SHISAL1: variants seen among roughly 807,000 people sequenced by gnomAD.
SHISAL1 encodes protein shisa-like-1.
Under a neutral mutation model 22.6 loss-of-function variants are expected in SHISAL1, and 9 were observed. The ratio of observed to expected loss-of-function variants is 0.40; its 90% confidence interval spans 0.24 to 0.70. The LOEUF (loss-of-function observed/expected upper bound fraction) is 0.70. Among genes scored for constraint, SHISAL1 ranks in the 30% least tolerant of loss-of-function variants. The pLI is 0.39. For synonymous variants in SHISAL1, 119 were observed against 115.4 expected (o/e 1.03, Z -0.20); for missense variants, 246 against 270.6 (o/e 0.91, Z 0.64).
intron 3 of SHISAL1, among the ~76,000 whole-genome samples, chr22:44,289,370 G>A (rs996656710): frequency 1.3e-5 from 2 of 152,212 alleles, no homozygotes; most frequent in African/African-American, 4.8e-5. Flanking sequence ...CCTGCGTGGT[G>A]TGCCTGCTTG....
chr22:44,268,260 G>A (rs1041002521), intron 4 of SHISAL1, among the ~76,000 whole-genome samples: 4 of 152,204 alleles, frequency 2.6e-5, no homozygotes, highest in African/African-American at 7.2e-5. Context: ...CCTTTTCATC[G>A]ACAGCCTCTG....
At chr22:44,262,712 C>A (rs191111174) in intron 4 of SHISAL1, among the ~76,000 whole-genome samples, 1 of 152,346 alleles carries the variant, frequency 6.6e-6, no homozygotes, top group African/African-American at 2.4e-5. Context: ...AGCAGGCTGC[C>A]CTGCTGGCCC....
intron 4 of SHISAL1, among the ~76,000 whole-genome samples, chr22:44,274,356 G>T (rs2055225191): frequency 6.6e-6 from 1 of 152,140 alleles, no homozygotes. Flanking sequence ...TGGGAATGAG[G>T]CTGGCGCTGG....
Position 44,275,697 on chromosome 22 carries a change from C to T in SHISAL1, c.599+9731G>A, listed in dbSNP as rs146745927. Among the ~76,000 whole-genome samples, 556 of 152,322 alleles carry T rather than the reference C, an allele frequency of 3.7e-3. 3 individuals carry two copies. Among genetic ancestry groups the T allele is most frequent in the African/African-American group, 0.013 (524 of 41,562 alleles). ...CCAGACCTGGGTTCCAATTCTGACCCAGCTGCCGTGCAGTTCCCAGCAATC... is the reference window on the plus strand; with the variant it reads ...CCAGACCTGGGTTCCAATTCTGACCTAGCTGCCGTGCAGTTCCCAGCAATC... On this transcript the variant is annotated intron_variant, in intron 4 of 4. Transcript: ENST00000381176.
chr22:44,290,202 C>T (rs1374213347), intron 3 of SHISAL1, among the ~76,000 whole-genome samples: 1 of 152,190 alleles, frequency 6.6e-6, no homozygotes, highest in Non-Finnish European at 1.5e-5. Flanking sequence ...TGGAAGATGG[C>T]CGATGGCCCC....
At chr22:44,267,588 G>A (rs1267874545) in intron 4 of SHISAL1, among the ~76,000 whole-genome samples, 12 of 151,956 alleles carry the variant, frequency 7.9e-5, no homozygotes, top group Admixed American at 6.6e-5. Flanking sequence ...CACTCTCCTC[G>A]AGGGCACCCC....
intron 4 of SHISAL1, among the ~76,000 whole-genome samples, chr22:44,258,362 G>A (rs1260596224): frequency 6.6e-6 from 1 of 152,152 alleles, no homozygotes; most frequent in Non-Finnish European, 1.5e-5. Context: ...GCAGGTTTGT[G>A]ACACAGCTAA....
chr22:44,279,358 C>T (rs2055261158), intron 4 of SHISAL1, among the ~76,000 whole-genome samples: 1 of 152,154 alleles, frequency 6.6e-6, no homozygotes, highest in East Asian at 1.9e-4. Flanking sequence ...ACAGAAGCCT[C>T]CTTGGTATTT....
In SHISAL1 at chr22:44,296,836, G is replaced by A. The variant is rs752355803; in HGVS notation, c.117C>T (p.Gly39=). 2 of 1,613,410 alleles carry A rather than the reference G, an allele frequency of 1.2e-6. No homozygotes were observed. The highest frequency in any genetic ancestry group is 8.5e-7 in the Non-Finnish European group (1 of 1,180,028). Residue 39 remains glycine (G), a synonymous_variant, in exon 3 of 5, where the codon GGC becomes GGT. Coordinates refer to ENST00000381176, the MANE Select transcript of SHISAL1 (RefSeq NM_001099294.2). Reference sequence around the variant, plus strand: ...GGCAGTGGAAGCCAAAGTGGTAGCGGCCTTTGTGGTCTGTGTATGGTTCAC... The same window carrying A: ...GGCAGTGGAAGCCAAAGTGGTAGCGACCTTTGTGGTCTGTGTATGGTTCAC... ...RVCEPYTDHK[G]RYHFGFHCPR...
chr22:44,287,773 C>T (rs182216852), intron 3 of SHISAL1, among the ~76,000 whole-genome samples: 25 of 152,230 alleles, frequency 1.6e-4, no homozygotes, highest in Non-Finnish European at 3.2e-4. Context: ...CAGGTGTCCC[C>T]GGGGTAGATG....
the SHISAL1 span, among the ~76,000 whole-genome samples, chr22:44,317,957 C>T: frequency 3.9e-5 from 6 of 152,254 alleles, no homozygotes; most frequent in South Asian, 6.2e-4. Flanking sequence ...CTGACCTTCC[C>T]GAGCTGGGCT....
chr22:44,285,952 G>A (rs135387), intron 3 of SHISAL1, among the ~76,000 whole-genome samples: 73,267 of 151,958 alleles, frequency 0.48, 18,071 homozygotes, highest in Admixed American at 0.62. Context: ...CACTGCCCGG[G>A]CCTGGTCCCC....
rs114764669 is a variant in SHISAL1, at chr22:44,249,781, T to C, written c.*-96A>G. The C allele has an allele frequency of 2.1e-4, 161 of 756,288 alleles. No homozygotes were observed. The African/African-American group carries it at 2.6e-3, about 12-fold the overall frequency. 46.8% of individuals were successfully genotyped at this position (756,288 alleles called of 1,614,324 possible). On this transcript the variant is annotated intron_variant, in intron 4 of 4. Transcript: ENST00000381176. The stretch of plus-strand genomic sequence containing the variant: ...GTGCCGGAAGAAGCCAGGTTTTCTC[T>C]GAGCATGTGGGTTTTGTCTTCTGAA...
chr22:44,292,127 C>G (rs1430799161), intron 3 of SHISAL1, among the ~76,000 whole-genome samples: 2 of 152,224 alleles, frequency 1.3e-5, no homozygotes, highest in African/African-American at 2.4e-5. Flanking sequence ...CAGAAGCGCT[C>G]TCCTTTTCCC....
intron 4 of SHISAL1, among the ~76,000 whole-genome samples, chr22:44,250,992 G>GGGTGAGAGATTC (rs1273844927): frequency 6.6e-6 from 1 of 152,212 alleles, no homozygotes; most frequent in East Asian, 1.9e-4. Context: ...CAGGGGCTAA[G>GGGTGAGAGATTC]GGTGAGAGAT....
chr22:44,256,147 CTCATAG>C (rs539886971), intron 4 of SHISAL1, among the ~76,000 whole-genome samples: 1 of 143,594 alleles, frequency 7.0e-6, no homozygotes, highest in Non-Finnish European at 1.5e-5. Flanking sequence ...AGGCCCTTGA[CTCATAG>C]TGGAACTCAC....
chr22:44,307,545 T>C (rs1309460310), intron 1 of SHISAL1, among the ~76,000 whole-genome samples: 2 of 152,168 alleles, frequency 1.3e-5, no homozygotes, highest in African/African-American at 2.4e-5. Context: ...GTAAACTTCC[T>C]AAGATGGTAG....
chr22:44,286,939 G>A (rs1601794086), intron 3 of SHISAL1, among the ~76,000 whole-genome samples: 2 of 152,224 alleles, frequency 1.3e-5, no homozygotes, highest in South Asian at 2.1e-4. Flanking sequence ...TTCTGGTGTC[G>A]AGGAGGCGTG....
the SHISAL1 span, among the ~76,000 whole-genome samples, chr22:44,325,028 A>C: frequency 6.6e-6 from 1 of 152,150 alleles, no homozygotes; most frequent in Admixed American, 6.5e-5. Flanking sequence ...GGATCATCTG[A>C]GGTCAGGAGT....
Sources: allele counts gnomAD v4.1 joint callset (sites outside exome capture counted in the v4.1 genomes callset), GRCh38; gene constraint gnomAD v4.1.1; transcripts MANE v1.5; gene names NCBI Gene and HGNC (gene_info 2026-07-23, HGNC 2026-07-21).